STK11IP: variants seen among roughly 807,000 people sequenced by gnomAD.
STK11IP encodes the protein serine/threonine kinase 11 interacting protein.
A neutral mutation model predicts 131.7 loss-of-function variants in STK11IP; 103 were observed. The ratio of observed to expected loss-of-function variants is 0.78; its 90% CI spans 0.67 to 0.92. The LOEUF is 0.92. Among genes scored for constraint, STK11IP ranks in the 40% least tolerant of loss-of-function variants. The probability of loss-of-function intolerance (pLI) is 0.00; values close to 1 mark genes in which losing one functional copy is unlikely to be tolerated. For synonymous variants in STK11IP, 557 were observed against 575.6 expected, an observed-to-expected ratio of 0.97 and a Z score of 0.46; for missense variants, 1,315 against 1,385.7, an observed-to-expected ratio of 0.95 and a Z score of 0.81.
At position 219,615,241 on chromosome 2, in the gene STK11IP, C is replaced by G. The variant is rs760749535; in HGVS notation, c.3017C>G (p.Pro1006Arg). ...AAGGTGCCTCCCTCGGGGCCGGGCC[C>G]TGCTGTGCGTGTCAGGGAGCAGCAG... ...SEKVPPSGPGPAVRVREQQPL... is the reference protein window; with the variant it reads ...SEKVPPSGPGRAVRVREQQPL... Residue 1006 changes from proline (P) to arginine (R), a missense_variant, in exon 24 of 25, where the codon CCT (proline) becomes CGT (arginine). Pro to Arg is a moderately radical substitution (Grantham distance 103). Transcript: ENST00000456909. The G allele has an allele frequency of 3.1e-6, 5 of 1,596,264 alleles. No individual in the cohort carries two copies. Among genetic ancestry groups the G allele is most frequent in the Non-Finnish European group, 4.3e-6 (5 of 1,176,422 alleles).
intron 20 of STK11IP, 34 bp downstream of exon 20, chr2:219,613,259 G>A (rs1441120471): frequency 1.6e-6 from 2 of 1,288,664 alleles, no homozygotes; most frequent in South Asian, 1.2e-5. Context: ...GAGTAAGGGG[G>A]GAGATGGGGT....
chr2:219,606,813 C>T lies in STK11IP; in HGVS notation c.1089C>T (p.Leu363=), dbSNP rs779425765. 2 of 1,613,700 alleles carry T rather than the reference C, an allele frequency of 1.2e-6. No homozygotes were observed. Among genetic ancestry groups the T allele is most frequent in the South Asian group, 1.1e-5 (1 of 91,080 alleles). ...GTGGCCCTGACCTGAGTGACAGCCTCTCCTCAGGGGGTGTTGTGACCCAGC... is the reference window on the plus strand; with the variant it reads ...GTGGCCCTGACCTGAGTGACAGCCTTTCCTCAGGGGGTGTTGTGACCCAGC... ...TSGGPDLSDS[L]SSGGVVTQPL... Residue 363 remains leucine, a synonymous_variant, in exon 12 of 25, where the codon CTC becomes CTT. Transcript: ENST00000456909.
rs1269785510 is a variant in STK11IP, at chr2:219,605,644, A to G, written c.655A>G (p.Asn219Asp). Residue 219 changes from asparagine to aspartate, a missense_variant, in exon 8 of 25, where the codon AAT becomes GAT. Coordinates refer to ENST00000456909, the MANE Select transcript of STK11IP (RefSeq NM_052902.4). ...GCTCCACCATCTGGACATCTCCTAT[A>G]ATCGCCTGCATTTGGTGCCAAGAAT... ...CELHHLDISY[N>D]RLHLVPRMGP... 6.4e-7 allele frequency: 1 copy of G among 1,553,606 alleles called. No homozygotes were observed. Among genetic ancestry groups the G allele is most frequent in the Admixed American group, 2.0e-5 (1 of 51,038 alleles).
Position 219,607,036 on chromosome 2 carries a change from C to A in STK11IP, c.1135-17C>A. 1 of 1,613,808 alleles carries A rather than the reference C, an allele frequency of 6.2e-7. No individual in the cohort carries two copies. The highest frequency in any genetic ancestry group is 2.2e-5 in the East Asian group (1 of 44,862). On this transcript the variant is annotated splice_polypyrimidine_tract_variant and intron_variant, in intron 12 of 24. Transcript: ENST00000456909. ...AGGCTTGGCTTTCACAGAACTTCTT[C>A]CCTCCACCAACCTCAGAGCCGAGTC...
At chr2:219,598,312 A>C in intron 2 of STK11IP, 132 bp downstream of exon 2, 1 of 665,768 alleles carries the variant, frequency 1.5e-6, no homozygotes, top group Non-Finnish European at 2.4e-6. Context: ...CAATTTCTTT[A>C]CTTTTCCCAG....
At chr2:219,599,620 CAGG>C (rs1697913512) in intron 2 of STK11IP, among the ~76,000 whole-genome samples, 1 of 152,128 alleles carries the variant, frequency 6.6e-6, no homozygotes, top group African/African-American at 2.4e-5. Flanking sequence ...AAGGAGGTAG[CAGG>C]AGAAGAGCTT....
chr2:219,609,371 T>G lies in STK11IP; in HGVS notation c.1935T>G (p.Leu645=). 1.9e-6 allele frequency: 3 copies of G among 1,613,698 alleles called. No individual in the cohort carries two copies. The highest frequency in any genetic ancestry group is 1.3e-5 in the African/African-American group (1 of 75,074). The change falls in exon 17 of 25, where the codon CTT becomes CTG. Residue 645 remains leucine (L), a synonymous_variant. Coordinates refer to ENST00000456909, the MANE Select transcript of STK11IP (RefSeq NM_052902.4). ...PDAHAAVQEL[L]AVLTPVTNVA... ...GATCCACCCTCTGTCAGGAGCTGCT[T>G]GCCGTGTTGACCCCAGTCACCAATG...
At chr2:219,600,053 G>GTTTTTTTTT (rs1559175196) in intron 2 of STK11IP, among the ~76,000 whole-genome samples, 1 of 101,572 alleles carries the variant, frequency 9.8e-6, no homozygotes, top group South Asian at 3.1e-4. Context: ...TTTTTTTTTT[G>GTTTTTTTTT]TTTTTGTTTT....
At chr2:219,611,924 G>A (rs1292938932) in intron 18 of STK11IP, 31 bp from the exon 19 acceptor site, 30 of 1,576,124 alleles carry the variant, frequency 1.9e-5, no homozygotes, top group Middle Eastern at 1.7e-4. Context: ...GGGCTGCCAT[G>A]GGCAGGCTGA....
intron 12 of STK11IP, 71 bp downstream of exon 12, chr2:219,606,929 C>G (rs779281953): frequency 3.6e-4 from 569 of 1,583,444 alleles, no homozygotes; most frequent in Non-Finnish European, 4.6e-4. Context: ...CTACAGTGGG[C>G]AGGGAATGGT....
chr2:219,608,277 C>G lies in STK11IP; in HGVS notation c.1450C>G (p.Gln484Glu). ...AGCCAGAGGCCCCCAGGAGTCACCACAGAAAATGTCAGAGGAGGTCAGGGC... is the reference window on the plus strand; with the variant it reads ...AGCCAGAGGCCCCCAGGAGTCACCAGAGAAAATGTCAGAGGAGGTCAGGGC... ...EEARGPQESP[Q>E]KMSEEVRAEP... Residue 484 changes from glutamine (Q) to glutamate (E), a missense_variant, in exon 14 of 25, where the codon CAG (glutamine) becomes GAG (glutamate). Coordinates refer to ENST00000456909, the MANE Select transcript of STK11IP (RefSeq NM_052902.4). The G allele has an allele frequency of 7.4e-6, 12 of 1,612,936 alleles. No homozygotes were observed. The highest frequency in any genetic ancestry group is 1.0e-5 in the Non-Finnish European group (12 of 1,179,644).
intron 2 of STK11IP, among the ~76,000 whole-genome samples, chr2:219,600,390 C>T (rs1463118686): frequency 6.6e-6 from 1 of 152,176 alleles, no homozygotes; most frequent in East Asian, 1.9e-4. Context: ...TGAGCCACGG[C>T]AACCAGCTCA....
At position 219,607,100 on chromosome 2, in the gene STK11IP, G is replaced by A. The variant is rs755650587; in HGVS notation, c.1182G>A (p.Thr394=). The A allele has an allele frequency of 1.9e-5, 31 of 1,613,906 alleles. No homozygotes were observed. The South Asian group carries it at 3.0e-4, about 15-fold the overall frequency. ...CAAGCATCTCTGAACCCAGTGATACGGACCCGGAGCCCCGAACTCTGAACC... is the reference window on the plus strand; with the variant it reads ...CAAGCATCTCTGAACCCAGTGATACAGACCCGGAGCCCCGAACTCTGAACC... ...RRASISEPSD[T]DPEPRTLNPS... is the part of the protein sequence containing the mutation. Residue 394 remains threonine (T), a synonymous_variant, in exon 13 of 25, where the codon ACG becomes ACA. Transcript: ENST00000456909.
chr2:219,610,616 A>T (rs1012539163), intron 17 of STK11IP, among the ~76,000 whole-genome samples: 4 of 152,068 alleles, frequency 2.6e-5, no homozygotes, highest in African/African-American at 9.7e-5. Flanking sequence ...GTTAGCCAGG[A>T]TGGTCTGTCT....
At position 219,609,978 on chromosome 2, in the gene STK11IP, A is replaced by G. The variant is rs545415501; in HGVS notation, c.2104+438A>G. 1.5e-4 allele frequency: 30 copies of G among 206,516 alleles called. No homozygotes were observed. The East Asian group carries it at 1.7e-3, about 12-fold the overall frequency. The allele number at this position is 206,516 out of a possible 1,614,324, so 12.8% of individuals were successfully genotyped here. A position where few individuals can be genotyped will look rare whatever the true frequency, so the allele number is the denominator to read the frequency against. ...GATGCTTGGGGAGTTGGCTTGGTTT[A>G]TCCTTCCCGGCTGACCTTGGAAGGT... On this transcript the variant is annotated intron_variant, in intron 17 of 24. Transcript: ENST00000456909.
At chr2:219,614,935 C>T (rs1262869133) in intron 23 of STK11IP, 159 bp from the exon 24 acceptor site, 2 of 841,682 alleles carry the variant, frequency 2.4e-6, no homozygotes, top group East Asian at 2.7e-5. Context: ...ATTCATGGAG[C>T]TTGGGAAAGG....
rs200252129 is a variant in STK11IP at position 219,601,430 on chromosome 2, T to C, written c.257T>C (p.Leu86Pro). The C allele has an allele frequency of 1.8e-4, 286 of 1,613,898 alleles. No homozygotes were observed. Among genetic ancestry groups the C allele is most frequent in the Middle Eastern group, 1.6e-4 (1 of 6,084 alleles). Reference protein sequence around the residue: ...QFLFDVLQKTLSLKLVHVAGP... With the variant: ...QFLFDVLQKTPSLKLVHVAGP... ...CTCTTCGATGTGCTGCAGAAAACACTTTCACTCAAGGTTCTGGGTGTGGGG... is the reference window on the plus strand; with the variant it reads ...CTCTTCGATGTGCTGCAGAAAACACCTTCACTCAAGGTTCTGGGTGTGGGG... Residue 86 changes from leucine (L) to proline (P), a missense_variant, in exon 3 of 25, where the codon CTT becomes CCT. Transcript: ENST00000456909.
chr2:219,614,188 G>A lies in STK11IP; in HGVS notation c.2744G>A (p.Trp915Ter). 1 of 1,613,488 alleles carries A rather than the reference G, an allele frequency of 6.2e-7. No homozygotes were observed. The highest frequency in any genetic ancestry group is 2.2e-5 in the East Asian group (1 of 44,892). ...LDVLQSLPPA[W>*]RNCVSATEEE... ...GTCTTGCAGTCTCTGCCCCCTGCCT[G>A]GAGGAACTGTGTCAGTGCCACAGAG... Residue 915 changes from tryptophan (W) to a stop codon, truncating the protein, a stop_gained, in exon 22 of 25, where the codon TGG (tryptophan) becomes TAG (stop). Transcript: ENST00000456909. LOFTEE classifies it high-confidence loss of function.
In STK11IP at chr2:219,602,037, C is replaced by T. The variant is rs1559176805; in HGVS notation, c.392C>T (p.Ser131Phe). The T allele has an allele frequency of 1.2e-6, 2 of 1,611,564 alleles. No homozygotes were observed. Among genetic ancestry groups the T allele is most frequent in the Middle Eastern group, 3.3e-4 (2 of 6,060 alleles). Residue 131 changes from serine to phenylalanine, a missense_variant, in exon 5 of 25, where the codon TCC (serine) becomes TTC (phenylalanine). By Grantham distance (155) the Ser-to-Phe change is radical (BLOSUM62 -2). Coordinates refer to ENST00000456909, the MANE Select transcript of STK11IP (RefSeq NM_052902.4). ...HCLHGLRGIY[S>F]QLETLICSRS... ...CTGCATGGCCTCCGAGGCATCTACT[C>T]CCAGCTGGAGACCCTGATTTGCAGC...
Sources: gnomAD v4.1 joint callset for allele counts (sites outside exome capture counted in the v4.1 genomes callset) on GRCh38, gnomAD v4.1.1 for gene constraint, MANE v1.5 for transcripts, NCBI Gene and HGNC (gene_info 2026-07-23, HGNC 2026-07-21) for gene names.